Variants in GLCE observed in about 807,000 individuals in gnomAD.
GLCE encodes the protein D-glucuronyl C5-epimerase.
In GLCE, 19 loss-of-function variants were observed where a neutral mutation model predicts 47.9. The ratio of observed to expected loss-of-function variants is 0.40; its 90% CI spans 0.28 to 0.58. The LOEUF (loss-of-function observed/expected upper bound fraction) is 0.58. Ranked by LOEUF, GLCE falls within the 20% of genes least tolerant of loss-of-function variation. The pLI, the probability that GLCE is intolerant of heterozygous loss-of-function variation, is 0.48. For synonymous variants in GLCE, 245 were observed against 263.4 expected (o/e 0.93, Z 0.68); for missense variants, 556 against 743.3 (o/e 0.75, Z 2.93).
chr15:69,239,864 G>T (rs2052642639), intron 2 of GLCE, among the ~76,000 whole-genome samples: 1 of 152,118 alleles, frequency 6.6e-6, no homozygotes, highest in Non-Finnish European at 1.5e-5. Flanking sequence ...TAGTTGGCAA[G>T]AGCAAGATTT....
At chr15:69,265,310 A>C (rs1404391461) in intron 4 of GLCE, among the ~76,000 whole-genome samples, 2 of 152,212 alleles carry the variant, frequency 1.3e-5, no homozygotes, top group Non-Finnish European at 1.5e-5. Flanking sequence ...CAGATAGCCT[A>C]GTACCTCCAG....
At chr15:69,195,311 T>A (rs1390778884) in intron 1 of GLCE, among the ~76,000 whole-genome samples, 5 of 150,904 alleles carry the variant, frequency 3.3e-5, no homozygotes, top group African/African-American at 1.2e-4. Context: ...CTCAGCTAAA[T>A]TTTTTTTTTA....
chr15:69,260,459 C>T (rs1196714722), intron 3 of GLCE, among the ~76,000 whole-genome samples: 5 of 152,074 alleles, frequency 3.3e-5, no homozygotes, highest in African/African-American at 7.2e-5. Context: ...GGGGTTTCAC[C>T]GTGTTGCCCA....
intron 1 of GLCE, among the ~76,000 whole-genome samples, chr15:69,167,067 T>G (rs1566944847): frequency 6.6e-6 from 1 of 151,352 alleles, no homozygotes; most frequent in Non-Finnish European, 1.5e-5. Flanking sequence ...AATACAAAAA[T>G]TAGCCAGGTG....
chr15:69,216,840 A>T (rs2052314266), intron 2 of GLCE, among the ~76,000 whole-genome samples: 1 of 152,154 alleles, frequency 6.6e-6, no homozygotes, highest in Admixed American at 6.5e-5. Context: ...GATTCTGTTG[A>T]TAATTCTAAT....
At chr15:69,170,694 A>G (rs2051576201) in intron 1 of GLCE, among the ~76,000 whole-genome samples, 1 of 152,232 alleles carries the variant, frequency 6.6e-6, no homozygotes, top group Admixed American at 6.5e-5. Context: ...AAAATTAGAA[A>G]GGGTCTAGCT....
intron 2 of GLCE, among the ~76,000 whole-genome samples, chr15:69,239,395 A>G (rs946591273): frequency 1.3e-5 from 2 of 152,188 alleles, no homozygotes; most frequent in Non-Finnish European, 2.9e-5. Flanking sequence ...ATAGCTGCAT[A>G]TATGCTCCAG....
chr15:69,268,708 G>A lies in GLCE; in HGVS notation c.1318G>A (p.Gly440Arg). Residue 440 changes from glycine to arginine, a missense_variant, in exon 5 of 5, where the codon GGA (glycine) becomes AGA (arginine). Transcript: ENST00000261858. ...LGEGFKSLEP[G>R]WYSAMAQGQA... is the part of the protein sequence containing the mutation. ...GGAAGGGTTCAAGTCTTTAGAGCCAGGATGGTATTCTGCCATGGCCCAAGG... is the reference window on the plus strand; with the variant it reads ...GGAAGGGTTCAAGTCTTTAGAGCCAAGATGGTATTCTGCCATGGCCCAAGG... 4 of 1,614,198 alleles carry A rather than the reference G, an allele frequency of 2.5e-6. No individual in the cohort carries two copies. Among genetic ancestry groups the A allele is most frequent in the Non-Finnish European group, 3.4e-6 (4 of 1,180,044 alleles).
intron 4 of GLCE, among the ~76,000 whole-genome samples, chr15:69,262,004 G>T (rs2053022383): frequency 6.6e-6 from 1 of 152,158 alleles, no homozygotes; most frequent in Non-Finnish European, 1.5e-5. Context: ...AATAATTTTA[G>T]TTAGCACCTC....
chr15:69,243,254 C>G (rs2052701174), intron 2 of GLCE, among the ~76,000 whole-genome samples: 1 of 152,074 alleles, frequency 6.6e-6, no homozygotes, highest in Non-Finnish European at 1.5e-5. Flanking sequence ...CAGGTGGTCT[C>G]AGGTCTCCTT....
intron 1 of GLCE, among the ~76,000 whole-genome samples, chr15:69,207,778 G>A (rs1336974016): frequency 1.3e-5 from 2 of 152,018 alleles, no homozygotes; most frequent in Non-Finnish European, 1.5e-5. Context: ...TTTGACTGCT[G>A]TGTCATATGA....
At chr15:69,257,463 C>T (rs1236192677) in intron 3 of GLCE, among the ~76,000 whole-genome samples, 2 of 152,132 alleles carry the variant, frequency 1.3e-5, no homozygotes, top group East Asian at 3.9e-4. Context: ...CTCAGCCTCC[C>T]AACTAGCTGG....
intron 2 of GLCE, among the ~76,000 whole-genome samples, chr15:69,253,416 A>T (rs574109100): frequency 2.1e-4 from 32 of 152,334 alleles, no homozygotes; most frequent in African/African-American, 7.2e-4. Flanking sequence ...AATCTAGCCA[A>T]AATCAGACTA....
At chr15:69,254,181 C>T (rs536797933) in intron 2 of GLCE, among the ~76,000 whole-genome samples, 19 of 152,258 alleles carry the variant, frequency 1.2e-4, no homozygotes, top group African/African-American at 4.6e-4. Context: ...AATTACAGAG[C>T]TCCTGTGGCA....
At chr15:69,258,268 T>C (rs1235219919) in intron 3 of GLCE, among the ~76,000 whole-genome samples, 1 of 152,154 alleles carries the variant, frequency 6.6e-6, no homozygotes, top group Non-Finnish European at 1.5e-5. Flanking sequence ...TGTTCCTGCG[T>C]TGGTTTGCTA....
chr15:69,209,045 G>C (rs4777125), intron 1 of GLCE, among the ~76,000 whole-genome samples: 100,488 of 151,754 alleles, frequency 0.66, 35,308 homozygotes, highest in Non-Finnish European at 0.77. Flanking sequence ...CTGTCGTCTT[G>C]ATTCGGCTAT....
chr15:69,202,510 GC>G (rs2052089992), intron 1 of GLCE, among the ~76,000 whole-genome samples: 1 of 152,014 alleles, frequency 6.6e-6, no homozygotes, highest in African/African-American at 2.4e-5. Flanking sequence ...TGGAAAAACT[GC>G]GGTATTCTTA....
intron 1 of GLCE, among the ~76,000 whole-genome samples, chr15:69,195,984 A>G (rs1345081953): frequency 3.3e-5 from 5 of 152,150 alleles, no homozygotes; most frequent in Non-Finnish European, 7.4e-5. Flanking sequence ...CAGATAAAAT[A>G]TATACTGTAT....
chr15:69,214,606 T>G (rs543874360), intron 2 of GLCE, among the ~76,000 whole-genome samples: 2 of 152,228 alleles, frequency 1.3e-5, no homozygotes, highest in East Asian at 3.9e-4. Context: ...ACGGACGAAT[T>G]ACATATACCA....
Sources: gnomAD v4.1 joint callset for allele counts (sites outside exome capture counted in the v4.1 genomes callset) on GRCh38, gnomAD v4.1.1 for gene constraint, MANE v1.5 for transcripts, NCBI Gene and HGNC (gene_info 2026-07-23, HGNC 2026-07-21) for gene names.